Variants in DLGAP2 observed in about 807,000 individuals in gnomAD.
The protein encoded by DLGAP2 is DLG associated protein 2, also known as disks large-associated protein 2.
Under a neutral mutation model 100.3 loss-of-function variants are expected in DLGAP2, and 26 were observed. That is an observed-to-expected ratio of 0.26 (90% confidence interval 0.19 to 0.36). DLGAP2 has a LOEUF of 0.36. DLGAP2 is among the 10% of genes least tolerant of loss of function. The pLI is 1.00. For missense variants in DLGAP2, 1,858 were observed against 1,453.2 expected (o/e 1.28, Z -4.53); for synonymous variants, 886 against 630.1 (o/e 1.41, Z -6.08).
chr8:895,132 C>T (rs1798120157), intron 1 of DLGAP2, among the ~76,000 whole-genome samples: 1 of 151,712 alleles, frequency 6.6e-6, no homozygotes, highest in South Asian at 2.1e-4. Context: ...TAACACAGAG[C>T]TGCATATTTC....
intron 1 of DLGAP2, 157 bp downstream of exon 1, chr8:737,982 C>G (rs1457029044): frequency 3.0e-5 from 10 of 327,892 alleles, no homozygotes; most frequent in Non-Finnish European, 5.0e-5. Flanking sequence ...GGGGCCGGAG[C>G]GCTGGGGACC....
chr8:888,458 C>G (rs1026026797), intron 1 of DLGAP2, among the ~76,000 whole-genome samples: 2 of 152,124 alleles, frequency 1.3e-5, no homozygotes, highest in African/African-American at 2.4e-5. Context: ...GACCCTCTGG[C>G]CTTTTGGGTT....
At chr8:1,337,720 C>T (rs948727418) in intron 3 of DLGAP2, among the ~76,000 whole-genome samples, 16 of 152,142 alleles carry the variant, frequency 1.1e-4, no homozygotes, top group African/African-American at 2.9e-4. Context: ...TGACATCTTT[C>T]GTGCTTCAAA....
In DLGAP2 at chr8:1,094,368, C is replaced by T. The variant is rs188868400; in HGVS notation, c.74-164483C>T. ...GAGTTAGAAAGTCACAAGGTGGGTC[C>T]ACGGTGAAGTGCAGAGATGGAGAAT... On this transcript the variant is annotated intron_variant, in intron 2 of 14. Coordinates refer to ENST00000637795, the MANE Select transcript of DLGAP2 (RefSeq NM_001346810.2). 9.9e-5 allele frequency among the ~76,000 whole-genome samples: 15 copies of T among 152,280 alleles called. No individual in the cohort carries two copies. The East Asian group carries it at 2.9e-3, about 29-fold the overall frequency.
intron 1 of DLGAP2, among the ~76,000 whole-genome samples, chr8:894,273 C>T (rs1584869512): frequency 6.6e-6 from 1 of 152,268 alleles, no homozygotes; most frequent in Admixed American, 6.5e-5. Context: ...GAGGTTGTCA[C>T]TCCAGCACGG....
chr8:1,483,735 C>T (rs551296001), intron 3 of DLGAP2, among the ~76,000 whole-genome samples: 6 of 142,772 alleles, frequency 4.2e-5, no homozygotes, highest in African/African-American at 1.5e-4. Context: ...AAGGCAGGTG[C>T]AGAATGTGGG....
At chr8:937,676 G>C (rs950119984) in intron 2 of DLGAP2, among the ~76,000 whole-genome samples, 2 of 152,166 alleles carry the variant, frequency 1.3e-5, no homozygotes, top group African/African-American at 2.4e-5. Context: ...CAACTGCCTC[G>C]CTGGGTGCCA....
chr8:1,230,919 G>A (rs1471548799), intron 2 of DLGAP2, among the ~76,000 whole-genome samples: 1 of 152,080 alleles, frequency 6.6e-6, no homozygotes, highest in Non-Finnish European at 1.5e-5. Flanking sequence ...AAAAAAAATA[G>A]GAAACACCAT....
intron 2 of DLGAP2, among the ~76,000 whole-genome samples, chr8:968,914 G>C (rs11993818): frequency 0.05 from 7,641 of 152,168 alleles, 626 homozygotes; most frequent in African/African-American, 0.17. Flanking sequence ...AAGACATTAT[G>C]GTGGGATTTG....
intron 8 of DLGAP2, among the ~76,000 whole-genome samples, chr8:1,647,111 C>T (rs77389340): frequency 0.075 from 11,434 of 152,150 alleles, 610 homozygotes; most frequent in African/African-American, 0.15. Flanking sequence ...GGACAGAGTC[C>T]TCTGTGAATT....
intron 2 of DLGAP2, among the ~76,000 whole-genome samples, chr8:1,109,942 A>G (rs1284958451): frequency 1.3e-4 from 4 of 30,864 alleles, no homozygotes; most frequent in Non-Finnish European, 1.2e-4. Context: ...AGGTGTGCAT[A>G]GGTCTGTGAC....
intron 3 of DLGAP2, among the ~76,000 whole-genome samples, chr8:1,311,641 C>G (rs1271275644): frequency 6.6e-6 from 1 of 151,986 alleles, no homozygotes; most frequent in Non-Finnish European, 1.5e-5. Context: ...TTAATTAACA[C>G]TACCTGCACA....
intron 5 of DLGAP2, chr8:1,565,457 C>T (rs138948474): frequency 0.029 from 13,283 of 454,352 alleles, 294 homozygotes; most frequent in Middle Eastern, 0.033. Flanking sequence ...CACATGTTCT[C>T]ACTTTATCCA....
At chr8:1,512,729 A>T (rs187064291) in intron 4 of DLGAP2, among the ~76,000 whole-genome samples, 12 of 152,366 alleles carry the variant, frequency 7.9e-5, no homozygotes, top group African/African-American at 2.9e-4. Context: ...GTGTCCATGG[A>T]GTAGAGATCT....
chr8:1,622,284 T>G (rs1002790861), intron 6 of DLGAP2: 1 of 152,244 alleles, frequency 6.6e-6, no homozygotes, highest in Non-Finnish European at 1.5e-5. Flanking sequence ...GTATTTCAAA[T>G]GAACACATTT....
At chr8:850,385 G>C (rs1797163464) in intron 1 of DLGAP2, among the ~76,000 whole-genome samples, 1 of 152,026 alleles carries the variant, frequency 6.6e-6, no homozygotes, top group Non-Finnish European at 1.5e-5. Flanking sequence ...TGCACTTTGT[G>C]CAGAAATTTT....
chr8:783,286 G>C (rs574569387), intron 1 of DLGAP2, among the ~76,000 whole-genome samples: 1 of 152,206 alleles, frequency 6.6e-6, no homozygotes, highest in Admixed American at 6.5e-5. Flanking sequence ...CTGTTCCCTT[G>C]GAAACTTGTT....
At chr8:1,585,699 CCCACCACCCAGCCGTGGGCAGTGCCT>C (rs1796095569) in intron 6 of DLGAP2, among the ~76,000 whole-genome samples, 1 of 152,208 alleles carries the variant, frequency 6.6e-6, no homozygotes, top group Non-Finnish European at 1.5e-5. Context: ...GCCCCGTGCC[CCCACCACCCAGCCGTGGGCAGTGCCT>C]GGGCAGTACT....
intron 3 of DLGAP2, among the ~76,000 whole-genome samples, chr8:1,420,479 C>T (rs908716460): frequency 1.5e-4 from 23 of 152,286 alleles, no homozygotes; most frequent in African/African-American, 5.5e-4. Context: ...AATTCCAATT[C>T]ATCCTATAGC....
Sources: allele counts gnomAD v4.1 joint callset (sites outside exome capture counted in the v4.1 genomes callset), GRCh38; gene constraint gnomAD v4.1.1; transcripts MANE v1.5; gene names NCBI Gene and HGNC (gene_info 2026-07-23, HGNC 2026-07-21).